Variants in GALNT13 observed in about 807,000 individuals in gnomAD.
GALNT13 encodes the protein polypeptide N-acetylgalactosaminyltransferase 13, also known as UDP-GalNAc:polypeptide N-acetylgalactosaminyltransferase 13.
A neutral mutation model predicts 64.2 loss-of-function variants in GALNT13; 28 were observed. The observed-to-expected ratio is 0.44, with a 90% confidence interval of 0.32 to 0.60. The LOEUF (loss-of-function observed/expected upper bound fraction) is 0.60, where lower values mean the gene tolerates loss of function less well. Among genes scored for constraint, GALNT13 ranks in the 20% least tolerant of loss-of-function variants. GALNT13 has a pLI of 0.05. For synonymous variants in GALNT13, 214 were observed against 224.6 expected, an observed-to-expected ratio of 0.95 and a Z score of 0.42; for missense variants, 577 against 669.8, an observed-to-expected ratio of 0.86 and a Z score of 1.53.
intron 9 of GALNT13, among the ~76,000 whole-genome samples, chr2:154,366,375 G>A (rs548141856): frequency 4.6e-5 from 7 of 152,198 alleles, no homozygotes; most frequent in East Asian, 1.9e-4. Flanking sequence ...TATGTCACTC[G>A]CTATATATGT....
intron 4 of GALNT13, among the ~76,000 whole-genome samples, chr2:154,157,139 A>T (rs1014729855): frequency 6.6e-6 from 1 of 152,042 alleles, no homozygotes; most frequent in African/African-American, 2.4e-5. Flanking sequence ...CTCAACCCTC[A>T]TTCTCATTAT....
At chr2:153,828,568 A>G in the GALNT13 span, among the ~76,000 whole-genome samples, 1 of 152,176 alleles carries the variant, frequency 6.6e-6, no homozygotes, top group East Asian at 1.9e-4. Context: ...GACTACACAC[A>G]GCATGGAGAC....
chr2:154,130,497 A>G (rs1183142823), intron 3 of GALNT13, among the ~76,000 whole-genome samples: 1 of 152,164 alleles, frequency 6.6e-6, no homozygotes, highest in African/African-American at 2.4e-5. Flanking sequence ...CTTCACACTT[A>G]GTCCAGTATT....
the GALNT13 span, among the ~76,000 whole-genome samples, chr2:153,167,878 T>C: frequency 6.6e-6 from 1 of 152,198 alleles, no homozygotes; most frequent in African/African-American, 2.4e-5. Flanking sequence ...GAGGCTATTT[T>C]GTCTGCTTCT....
chr2:153,634,004 A>G, the GALNT13 span, among the ~76,000 whole-genome samples: 1 of 152,166 alleles, frequency 6.6e-6, no homozygotes, highest in African/African-American at 2.4e-5. Flanking sequence ...AGTGCTGTTG[A>G]ATTAAAGATC....
chr2:153,722,934 A>C, the GALNT13 span, among the ~76,000 whole-genome samples: 7 of 151,724 alleles, frequency 4.6e-5, no homozygotes, highest in African/African-American at 1.7e-4. Flanking sequence ...AAAAGAGGGA[A>C]TCCTCCCTAA....
the GALNT13 span, among the ~76,000 whole-genome samples, chr2:153,445,931 AGAT>A: frequency 6.6e-6 from 1 of 152,188 alleles, no homozygotes; most frequent in Non-Finnish European, 1.5e-5. Context: ...GGTGGTGGAA[AGAT>A]GATGATTTTT....
At chr2:153,635,517 T>G in the GALNT13 span, among the ~76,000 whole-genome samples, 2 of 151,140 alleles carry the variant, frequency 1.3e-5, no homozygotes, top group Admixed American at 6.6e-5. Flanking sequence ...AAAACAATTA[T>G]TTGGATGACT....
intron 3 of GALNT13, among the ~76,000 whole-genome samples, chr2:154,053,029 C>T (rs1366680287): frequency 5.3e-5 from 8 of 152,020 alleles, no homozygotes; most frequent in African/African-American, 9.7e-5. Flanking sequence ...CATGAGCCAC[C>T]GTGCCTGGCC....
At chr2:154,110,644 T>C (rs1392467905) in intron 3 of GALNT13, among the ~76,000 whole-genome samples, 2 of 151,920 alleles carry the variant, frequency 1.3e-5, no homozygotes, top group Non-Finnish European at 2.9e-5. Context: ...GCTGATAAGA[T>C]GGTGCCCACC....
the GALNT13 span, among the ~76,000 whole-genome samples, chr2:153,784,889 C>T: frequency 6.6e-6 from 1 of 151,932 alleles, no homozygotes; most frequent in African/African-American, 2.4e-5. Flanking sequence ...TCATTGTTGC[C>T]TTGGGGCTCT....
chr2:153,384,322 CTCTA>C, the GALNT13 span, among the ~76,000 whole-genome samples: 1 of 152,014 alleles, frequency 6.6e-6, no homozygotes, highest in East Asian at 1.9e-4. Context: ...TTCTTAAAGG[CTCTA>C]TCTGACAAAT....
intron 9 of GALNT13, among the ~76,000 whole-genome samples, chr2:154,371,385 A>C (rs888600257): frequency 1.3e-5 from 2 of 152,088 alleles, no homozygotes; most frequent in Non-Finnish European, 2.9e-5. Flanking sequence ...TCACTATTAT[A>C]GACAAATGTT....
At chr2:154,403,573 C>T (rs1353283381) in intron 10 of GALNT13, among the ~76,000 whole-genome samples, 2 of 152,174 alleles carry the variant, frequency 1.3e-5, no homozygotes, top group African/African-American at 2.4e-5. Flanking sequence ...ACACTCTGTC[C>T]TCCACACTGC....
intron 3 of GALNT13, among the ~76,000 whole-genome samples, chr2:154,010,417 A>G (rs1397418464): frequency 6.6e-6 from 1 of 152,174 alleles, no homozygotes; most frequent in Non-Finnish European, 1.5e-5. Context: ...TGTTGAACCA[A>G]CCTTGCATTC....
chr2:153,121,476 G>T, the GALNT13 span, among the ~76,000 whole-genome samples: 1 of 152,100 alleles, frequency 6.6e-6, no homozygotes, highest in Non-Finnish European at 1.5e-5. Flanking sequence ...ATTAACTACT[G>T]TTAATGAGCT....
the GALNT13 span, among the ~76,000 whole-genome samples, chr2:153,185,228 G>T: frequency 6.6e-6 from 1 of 152,118 alleles, no homozygotes; most frequent in African/African-American, 2.4e-5. Flanking sequence ...ATTTCTTCTA[G>T]ATTTTCTAGC....
chr2:154,268,551 A>G (rs1691149640), intron 8 of GALNT13, among the ~76,000 whole-genome samples: 1 of 152,144 alleles, frequency 6.6e-6, no homozygotes, highest in Admixed American at 6.6e-5. Context: ...GAGTGGTACA[A>G]TTTAAATATA....
chr2:154,383,750 T>C (rs1277837458), intron 9 of GALNT13, among the ~76,000 whole-genome samples: 1 of 151,948 alleles, frequency 6.6e-6, no homozygotes, highest in Non-Finnish European at 1.5e-5. Flanking sequence ...CGATTTTTCA[T>C]AAACTTATTG....
Sources: allele counts gnomAD v4.1 joint callset (sites outside exome capture counted in the v4.1 genomes callset), GRCh38; gene constraint gnomAD v4.1.1; transcripts MANE v1.5; gene names NCBI Gene and HGNC (gene_info 2026-07-23, HGNC 2026-07-21).